Variants in CORO2B observed in about 807,000 individuals in gnomAD.
The protein encoded by CORO2B is coronin 2B.
In CORO2B, 26 loss-of-function variants were observed where a neutral mutation model predicts 58.8. The ratio of observed to expected loss-of-function variants is 0.44; its 90% CI spans 0.32 to 0.61. CORO2B has a LOEUF of 0.61. CORO2B is among the 20% of genes least tolerant of loss of function. The pLI is 0.04. For synonymous variants in CORO2B, 242 were observed against 253.8 expected (o/e 0.95, Z 0.44); for missense variants, 460 against 645.1 (o/e 0.71, Z 3.11).
chr15:68,677,606 G>A (rs1242095385), intron 2 of CORO2B, among the ~76,000 whole-genome samples: 1 of 152,186 alleles, frequency 6.6e-6, no homozygotes, highest in African/African-American at 2.4e-5. Context: ...CTTGGGAGCG[G>A]ACCTTCAAAA....
intron 1 of CORO2B, among the ~76,000 whole-genome samples, chr15:68,580,145 A>T (rs183665136): frequency 2.2e-4 from 33 of 152,308 alleles, no homozygotes; most frequent in Admixed American, 2.0e-3. Flanking sequence ...TGTGAGGGTG[A>T]TAATATGGGT....
At position 68,725,924 on chromosome 15, in the gene CORO2B, C is replaced by T; in HGVS notation, c.1393C>T (p.Gln465Ter). ...GGCCCAGAAGGACATCCGCATTCGG[C>T]AGCTCCAGCTGGAACTGAAAAACTT... ...ELAQKDIRIR[Q>*]LQLELKNLRN... The change falls in exon 12 of 12, where the codon CAG (glutamine) becomes TAG (stop). Residue 465 changes from glutamine to a stop codon, truncating the protein, a stop_gained. Coordinates refer to ENST00000261861, the MANE Select transcript of CORO2B (RefSeq NM_006091.5). LOFTEE classifies it high-confidence loss of function. The T allele has an allele frequency of 6.2e-7, 1 of 1,614,054 alleles. No homozygotes were observed. The highest frequency in any genetic ancestry group is 8.5e-7 in the Non-Finnish European group (1 of 1,180,018).
the CORO2B span, among the ~76,000 whole-genome samples, chr15:68,569,321 C>G: frequency 6.6e-6 from 1 of 152,220 alleles, no homozygotes; most frequent in African/African-American, 2.4e-5. Context: ...CCCTGGCCAC[C>G]ACTGATCTTT....
chr15:68,666,382 G>T (rs560007825), intron 2 of CORO2B, among the ~76,000 whole-genome samples: 3 of 152,224 alleles, frequency 2.0e-5, no homozygotes, highest in South Asian at 4.1e-4. Context: ...GGTGGGTAGG[G>T]TGATTCTCAG....
chr15:68,536,553 G>A, the CORO2B span, among the ~76,000 whole-genome samples: 1 of 152,212 alleles, frequency 6.6e-6, no homozygotes, highest in African/African-American at 2.4e-5. Context: ...CTGTAATAAC[G>A]TGATGTGGTT....
the CORO2B span, among the ~76,000 whole-genome samples, chr15:68,535,696 T>C: frequency 3.0e-3 from 452 of 152,258 alleles, 1 homozygote; most frequent in African/African-American, 0.01. Flanking sequence ...GAGGACACAG[T>C]CAACTTCAAT....
the CORO2B span, among the ~76,000 whole-genome samples, chr15:68,557,827 C>T: frequency 6.6e-6 from 1 of 152,186 alleles, no homozygotes. Context: ...AGTCATGGTC[C>T]TTTAGGAGTT....
At chr15:68,601,068 G>A (rs968764478) in intron 1 of CORO2B, among the ~76,000 whole-genome samples, 1 of 152,208 alleles carries the variant, frequency 6.6e-6, no homozygotes, top group African/African-American at 2.4e-5. Context: ...TGCCTCCCTC[G>A]ATGGGGATGG....
In CORO2B at chr15:68,700,075, G is replaced by C. The variant is rs550597283; in HGVS notation, c.333+4819G>C. On this transcript the variant is annotated intron_variant, in intron 3 of 11. Coordinates refer to ENST00000261861, the MANE Select transcript of CORO2B (RefSeq NM_006091.5). ...GACAGGAGGTCAGCACTGCTGCCAG[G>C]GCCCTTCCCACGGCCTCCCTGCCTC... 2.0e-5 allele frequency among the ~76,000 whole-genome samples: 3 copies of C among 152,270 alleles called. No homozygotes were observed. In the East Asian group the frequency reaches 5.8e-4, roughly 29 times the overall value.
chr15:68,690,654 T>C lies in CORO2B; in HGVS notation c.217-4486T>C, dbSNP rs865879399. Reference sequence around the variant, plus strand: ...GTGATCACGTTAGCTTTCTTTTTTTTTTTTTTTTTTTTTGAGACAGGGTCT... The same window carrying C: ...GTGATCACGTTAGCTTTCTTTTTTTCTTTTTTTTTTTTTGAGACAGGGTCT... On this transcript the variant is annotated intron_variant, in intron 2 of 11. Coordinates refer to ENST00000261861, the MANE Select transcript of CORO2B (RefSeq NM_006091.5). 6.5e-3 allele frequency among the ~76,000 whole-genome samples: 967 copies of C among 148,650 alleles called. 11 individuals are homozygous for C. The highest frequency in any genetic ancestry group is 0.022 in the African/African-American group (875 of 40,296).
intron 2 of CORO2B, among the ~76,000 whole-genome samples, chr15:68,657,911 G>A (rs574906418): frequency 6.6e-6 from 1 of 152,182 alleles, no homozygotes; most frequent in Non-Finnish European, 1.5e-5. Context: ...AAAATCAGAG[G>A]GAAATATTAT....
chr15:68,714,665 T>C lies in CORO2B; in HGVS notation c.870+2T>C. On this transcript the variant is annotated splice_donor_variant, in intron 7 of 11. Transcript: ENST00000261861. LOFTEE classifies it high-confidence loss of function. ...CACATGCTCTACCTGGCTGGAAAGGTAGTAGGAGGTGGGGGAGGGCCCGGG... is the reference window on the plus strand; with the variant it reads ...CACATGCTCTACCTGGCTGGAAAGGCAGTAGGAGGTGGGGGAGGGCCCGGG... The C allele has an allele frequency of 1.9e-6, 3 of 1,612,230 alleles. No homozygotes were observed. Among genetic ancestry groups the C allele is most frequent in the Non-Finnish European group, 2.5e-6 (3 of 1,178,546 alleles).
chr15:68,553,866 A>C, the CORO2B span, among the ~76,000 whole-genome samples: 1 of 152,236 alleles, frequency 6.6e-6, no homozygotes, highest in South Asian at 2.1e-4. Flanking sequence ...ACAAGCCGTG[A>C]TGAAGAGTTT....
intron 1 of CORO2B, among the ~76,000 whole-genome samples, chr15:68,618,133 TAC>T (rs918301147): frequency 4.6e-5 from 7 of 150,696 alleles, no homozygotes; most frequent in Non-Finnish European, 7.4e-5. Context: ...CACACATGCA[TAC>T]ACACACACAC....
chr15:68,634,056 C>G (rs954497552), intron 1 of CORO2B, among the ~76,000 whole-genome samples: 1 of 152,242 alleles, frequency 6.6e-6, no homozygotes, highest in Non-Finnish European at 1.5e-5. Flanking sequence ...GGCATCTCCC[C>G]GGCTCAGCCT....
At chr15:68,725,753 C>A in intron 11 of CORO2B, 90 bp from the exon 12 acceptor site, 1 of 1,540,798 alleles carries the variant, frequency 6.5e-7, no homozygotes, top group Non-Finnish European at 8.8e-7. Context: ...AGGGCACGGG[C>A]GGCAGGCAGC....
intron 1 of CORO2B, among the ~76,000 whole-genome samples, chr15:68,638,311 G>A (rs1901101333): frequency 6.6e-6 from 1 of 152,144 alleles, no homozygotes; most frequent in African/African-American, 2.4e-5. Context: ...AAGGAGAGAG[G>A]GTAGAGCTAG....
intron 1 of CORO2B, among the ~76,000 whole-genome samples, chr15:68,600,649 C>A (rs1899957421): frequency 2.0e-5 from 3 of 152,184 alleles, no homozygotes; most frequent in Admixed American, 2.0e-4. Flanking sequence ...ACCATGGGTG[C>A]CGACCAGTGG....
intron 2 of CORO2B, among the ~76,000 whole-genome samples, chr15:68,678,069 G>T (rs1429882468): frequency 6.6e-6 from 1 of 152,110 alleles, no homozygotes; most frequent in Non-Finnish European, 1.5e-5. Flanking sequence ...CCCCTGCAAG[G>T]TCTGTTGCTT....
Sources: gnomAD v4.1 joint callset for allele counts (sites outside exome capture counted in the v4.1 genomes callset) on GRCh38, gnomAD v4.1.1 for gene constraint, MANE v1.5 for transcripts, NCBI Gene and HGNC (gene_info 2026-07-23, HGNC 2026-07-21) for gene names.